The following NCAPG2 variants were observed in gnomAD, a reference collection of about 807,000 sequenced individuals.
NCAPG2 encodes the protein condensin-2 complex subunit G2.
A neutral mutation model predicts 141.1 loss-of-function variants in NCAPG2; 53 were observed. That is an observed-to-expected ratio of 0.38 (90% CI 0.30 to 0.47). NCAPG2 has a LOEUF of 0.47. Ranked by LOEUF, NCAPG2 falls within the 20% of genes least tolerant of loss-of-function variation. The pLI, the probability that NCAPG2 is intolerant of heterozygous loss-of-function variation, is 0.99. For missense variants in NCAPG2, 1,087 were observed against 1,389.0 expected (o/e 0.78, Z 3.46); for synonymous variants, 499 against 490.7 (o/e 1.02, Z -0.22).
At position 158,701,876 on chromosome 7, in the gene NCAPG2, T is replaced by C. The variant is rs1188220971; in HGVS notation, c.24A>G (p.Val8=). 1 of 1,613,578 alleles carries C rather than the reference T, an allele frequency of 6.2e-7. No individual in the cohort carries two copies. Among genetic ancestry groups the C allele is most frequent in the Non-Finnish European group, 8.5e-7 (1 of 1,179,900 alleles). The change falls in exon 2 of 28, where the codon GTA becomes GTG. Residue 8 remains valine, a synonymous_variant. Coordinates refer to ENST00000356309, the MANE Select transcript of NCAPG2 (RefSeq NM_017760.7). MEKRETF[V]QAVSKELVGE... ...CAACCAGCTCCTTAGACACGGCTTG[T>C]ACAAACGTCTCACGTTTTTCCATGA...
chr7:158,692,905 C>A lies in NCAPG2; in HGVS notation c.319G>T (p.Val107Leu). ...TTCTCACTTTCATTTATTACAGACA[C>A]AGAAGCAAGAATCACAGATGTAATT... is the stretch of plus-strand genomic sequence containing the variant. ...YAITSVILAS[V>L]SVINESENYE... The change falls in exon 4 of 28, where the codon GTG (valine) becomes TTG (leucine). Residue 107 changes from valine (V) to leucine (L), a missense_variant. By Grantham distance (32) the Val-to-Leu change is conservative. Coordinates refer to ENST00000356309, the MANE Select transcript of NCAPG2 (RefSeq NM_017760.7). 1 of 1,595,174 alleles carries A rather than the reference C, an allele frequency of 6.3e-7. No individual in the cohort carries two copies. Among genetic ancestry groups the A allele is most frequent in the Non-Finnish European group, 8.6e-7 (1 of 1,167,024 alleles).
At chr7:158,649,605 T>C (rs1831327067) in intron 24 of NCAPG2, among the ~76,000 whole-genome samples, 1 of 152,238 alleles carries the variant, frequency 6.6e-6, no homozygotes, top group African/African-American at 2.4e-5. Flanking sequence ...TAGTAATTAC[T>C]TTCCAAACCA....
rs112271730 is a variant in NCAPG2, at chr7:158,632,961, T to C, written c.3381-1244A>G. Among the ~76,000 whole-genome samples the C allele has an allele frequency of 7.0e-3, 1,072 of 152,328 alleles. 10 individuals carry two copies. The highest frequency in any genetic ancestry group is 0.025 in the South Asian group (122 of 4,820). ...CAGCTTAGACTCACCAGGTTTCATG[T>C]GTTCAGCAGCCACTGTATTGGCCTG... On this transcript the variant is annotated intron_variant, in intron 27 of 27. Transcript: ENST00000356309.
intron 13 of NCAPG2, 83 bp from the exon 14 acceptor site, chr7:158,664,833 A>G: frequency 8.2e-7 from 1 of 1,217,930 alleles, no homozygotes; most frequent in Non-Finnish European, 1.1e-6. Context: ...TTTCAAGCAC[A>G]ACCAAAAAAG....
chr7:158,674,709 T>C (rs1158119660), intron 12 of NCAPG2, among the ~76,000 whole-genome samples: 1 of 152,230 alleles, frequency 6.6e-6, no homozygotes, highest in Non-Finnish European at 1.5e-5. Context: ...TGAAAATGTC[T>C]GTTTTGCACC....
chr7:158,662,492 C>CT, intron 15 of NCAPG2, 125 bp from the exon 16 acceptor site: 1 of 781,246 alleles, frequency 1.3e-6, no homozygotes. Flanking sequence ...TTCACGTCTT[C>CT]TACTCTCCAC....
At chr7:158,661,726 A>C (rs563310203) in intron 16 of NCAPG2, among the ~76,000 whole-genome samples, 3 of 152,332 alleles carry the variant, frequency 2.0e-5, no homozygotes, top group East Asian at 3.8e-4. Flanking sequence ...ATTCAAAATA[A>C]ATTTTTTTAA....
chr7:158,685,461 G>A (rs1342672278), intron 8 of NCAPG2, among the ~76,000 whole-genome samples: 1 of 152,210 alleles, frequency 6.6e-6, no homozygotes, highest in Non-Finnish European at 1.5e-5. Flanking sequence ...TGGGGGATCA[G>A]TTCTAGGACC....
At chr7:158,639,692 G>T in intron 27 of NCAPG2, 1 of 222,626 alleles carries the variant, frequency 4.5e-6, no homozygotes, top group Non-Finnish European at 7.5e-6. Flanking sequence ...CATCAGATGT[G>T]ATTTAAACTG....
chr7:158,634,451 A>G (rs745566041), intron 27 of NCAPG2, among the ~76,000 whole-genome samples: 13 of 152,214 alleles, frequency 8.5e-5, no homozygotes, highest in Non-Finnish European at 1.5e-4. Context: ...AAGTCTGTTC[A>G]TATTCAGTAC....
chr7:158,702,573 C>T (rs1374364754), intron 1 of NCAPG2, among the ~76,000 whole-genome samples: 2 of 152,156 alleles, frequency 1.3e-5, no homozygotes, highest in Admixed American at 1.3e-4. Flanking sequence ...TTCACAATAC[C>T]TGGTGCTACT....
At position 158,681,648 on chromosome 7, in the gene NCAPG2, A is replaced by T. The variant is rs117863156; in HGVS notation, c.925-832T>A. Among the ~76,000 whole-genome samples, 444 of 152,318 alleles carry T rather than the reference A, an allele frequency of 2.9e-3. 1 individual carries two copies. The highest frequency in any genetic ancestry group is 4.6e-3 in the South Asian group (22 of 4,824). On this transcript the variant is annotated intron_variant, in intron 9 of 27. Transcript: ENST00000356309. The stretch of plus-strand genomic sequence containing the variant: ...TTTGTAGTTTGTATTGATGGTGATA[A>T]GTGACATTAGTCTATAGTTTGCTTT...
chr7:158,655,304 G>A (rs761803854), intron 20 of NCAPG2, 35 bp downstream of exon 20: 3 of 1,614,114 alleles, frequency 1.9e-6, no homozygotes. Context: ...AGAGCACTGT[G>A]TATCATCCTA....
At chr7:158,664,782 A>G in intron 13 of NCAPG2, 32 bp from the exon 14 acceptor site, 1 of 1,573,148 alleles carries the variant, frequency 6.4e-7, no homozygotes, top group Non-Finnish European at 8.7e-7. Flanking sequence ...AGAAGGAAAT[A>G]ATCAATTGTG....
At chr7:158,693,980 T>C (rs1433118946) in intron 2 of NCAPG2, among the ~76,000 whole-genome samples, 1 of 152,162 alleles carries the variant, frequency 6.6e-6, no homozygotes, top group East Asian at 1.9e-4. Context: ...ACGTACTCTT[T>C]GATGAAGCAA....
At chr7:158,701,772 T>C (rs1835809571) in intron 2 of NCAPG2, 50 bp downstream of exon 2, 4 of 1,475,900 alleles carry the variant, frequency 2.7e-6, no homozygotes, top group Middle Eastern at 1.7e-4. Flanking sequence ...TTAGAACATA[T>C]TTCATATTCA....
intron 13 of NCAPG2, among the ~76,000 whole-genome samples, chr7:158,670,177 C>G (rs1226420841): frequency 6.6e-6 from 1 of 152,186 alleles, no homozygotes; most frequent in Admixed American, 6.5e-5. Context: ...CTACATTGGT[C>G]ACTCAAAATA....
chr7:158,655,486 C>T lies in NCAPG2; in HGVS notation c.2389-31G>A, dbSNP rs767821418. 4.5e-6 allele frequency: 7 copies of T among 1,570,516 alleles called. No individual in the cohort carries two copies. The African/African-American group carries it at 9.5e-5, about 21-fold the overall frequency. ...ATAGAAAAAACCCAAGGGCCACATGCTGACTGACAAGGCACCACCACACCC... is the reference window on the plus strand; with the variant it reads ...ATAGAAAAAACCCAAGGGCCACATGTTGACTGACAAGGCACCACCACACCC... On this transcript the variant is annotated intron_variant, in intron 19 of 27. Transcript: ENST00000356309.
chr7:158,664,540 A>T lies in NCAPG2; in HGVS notation c.1690T>A (p.Cys564Ser), dbSNP rs535262233. Residue 564 changes from cysteine to serine, a missense_variant, in exon 14 of 28, where the codon TGC becomes AGC. Coordinates refer to ENST00000356309, the MANE Select transcript of NCAPG2 (RefSeq NM_017760.7). ...CAGCACTCCCTACCTATGTTGGTGCAGGCGGTGTGTTCGTGGGCGTACTGA... is the reference window on the plus strand; with the variant it reads ...CAGCACTCCCTACCTATGTTGGTGCTGGCGGTGTGTTCGTGGGCGTACTGA... Reference protein sequence around the residue: ...FYQYAHEHTACTNIAKLIHVI... With the variant: ...FYQYAHEHTASTNIAKLIHVI... 3.7e-6 allele frequency: 6 copies of T among 1,614,118 alleles called. No individual in the cohort carries two copies. In the South Asian group the frequency reaches 5.5e-5, roughly 15 times the overall value.
Sources: gnomAD v4.1 joint callset for allele counts (sites outside exome capture counted in the v4.1 genomes callset) on GRCh38, gnomAD v4.1.1 for gene constraint, MANE v1.5 for transcripts, NCBI Gene and HGNC (gene_info 2026-07-23, HGNC 2026-07-21) for gene names.